AKAP6: variants seen among roughly 807,000 people sequenced by gnomAD.
The protein encoded by AKAP6 is A-kinase anchoring protein 6, also known as A-kinase anchor protein 6.
Under a neutral mutation model 188.5 loss-of-function variants are expected in AKAP6, and 58 were observed. That is an observed-to-expected ratio of 0.31 (90% CI 0.25 to 0.38). The LOEUF (loss-of-function observed/expected upper bound fraction) is 0.38, where lower values mean the gene tolerates loss of function less well. Among genes scored for constraint, AKAP6 ranks in the 10% least tolerant of loss-of-function variants. AKAP6 has a pLI of 1.00. For synonymous variants in AKAP6, 989 were observed against 998.6 expected (o/e 0.99, Z 0.18); for missense variants, 2,710 against 2,740.0 (o/e 0.99, Z 0.24).
At chr14:32,361,512 CAG>C (rs1887664538) in intron 1 of AKAP6, among the ~76,000 whole-genome samples, 1 of 152,134 alleles carries the variant, frequency 6.6e-6, no homozygotes, top group Admixed American at 6.5e-5. Context: ...AGTAGTGAAT[CAG>C]GGGAACATTA....
intron 4 of AKAP6, among the ~76,000 whole-genome samples, 195 bp from the exon 5 acceptor site, chr14:32,576,925 T>C (rs1884744652): frequency 6.6e-6 from 1 of 152,172 alleles, no homozygotes. Context: ...ACAGTTTCTT[T>C]CCCATTTTGG....
intron 9 of AKAP6, among the ~76,000 whole-genome samples, chr14:32,715,283 ATTTTAC>A (rs1275010327): frequency 6.6e-6 from 1 of 151,984 alleles, no homozygotes; most frequent in Non-Finnish European, 1.5e-5. Flanking sequence ...TGGTCTAATT[ATTTTAC>A]TTTTACTTAA....
intron 1 of AKAP6, among the ~76,000 whole-genome samples, chr14:32,352,096 TG>T (rs1310779122): frequency 7.3e-4 from 77 of 105,516 alleles, no homozygotes; most frequent in African/African-American, 2.2e-3. Flanking sequence ...TGTGTGTGTG[TG>T]TGTGTTTGTG....
intron 2 of AKAP6, among the ~76,000 whole-genome samples, chr14:32,452,207 T>C (rs1257220185): frequency 6.6e-6 from 1 of 151,810 alleles, no homozygotes; most frequent in African/African-American, 2.4e-5. Flanking sequence ...AATTTTTCTA[T>C]ATGTTTTGTA....
intron 9 of AKAP6, among the ~76,000 whole-genome samples, chr14:32,711,057 A>G (rs1046822823): frequency 4.6e-5 from 7 of 152,054 alleles, no homozygotes; most frequent in Non-Finnish European, 8.8e-5. Flanking sequence ...CCTGGTATAA[A>G]TAATAACTAT....
At chr14:32,709,640 G>T (rs1890958364) in intron 9 of AKAP6, among the ~76,000 whole-genome samples, 1 of 151,996 alleles carries the variant, frequency 6.6e-6, no homozygotes, top group African/African-American at 2.4e-5. Flanking sequence ...ATATAGGAGA[G>T]AATTTGTCCT....
chr14:32,469,936 G>A (rs1050820703), intron 2 of AKAP6, among the ~76,000 whole-genome samples: 18 of 151,932 alleles, frequency 1.2e-4, no homozygotes, highest in African/African-American at 3.9e-4. Flanking sequence ...TAATAAAATA[G>A]GCTGTAGATG....
intron 7 of AKAP6, among the ~76,000 whole-genome samples, chr14:32,643,126 T>G (rs1435321846): frequency 2.0e-5 from 3 of 152,164 alleles, no homozygotes; most frequent in African/African-American, 7.2e-5. Context: ...TAAAAGGGAC[T>G]CTATTAATCA....
chr14:32,507,344 G>A (rs1405760116), intron 2 of AKAP6, among the ~76,000 whole-genome samples: 1 of 152,204 alleles, frequency 6.6e-6, no homozygotes, highest in African/African-American at 2.4e-5. Context: ...TTACCATCCA[G>A]TATCTCACAA....
At chr14:32,580,757 T>A (rs1884927432) in intron 5 of AKAP6, among the ~76,000 whole-genome samples, 1 of 150,652 alleles carries the variant, frequency 6.6e-6, no homozygotes, top group African/African-American at 2.4e-5. Context: ...CCTGTGTCCA[T>A]GTGTTCTCAT....
At chr14:32,372,798 G>A (rs865973936) in intron 1 of AKAP6, among the ~76,000 whole-genome samples, 2 of 150,908 alleles carry the variant, frequency 1.3e-5, no homozygotes, top group South Asian at 2.1e-4. Context: ...GTGTGTGTGT[G>A]TGTGTGTATT....
At chr14:32,448,516 C>A (rs1320939705) in intron 2 of AKAP6, among the ~76,000 whole-genome samples, 1 of 152,140 alleles carries the variant, frequency 6.6e-6, no homozygotes, top group Non-Finnish European at 1.5e-5. Flanking sequence ...ACCTGAGGTA[C>A]AAAGAGGGTA....
At chr14:32,343,762 A>AG (rs999072157) in intron 1 of AKAP6, among the ~76,000 whole-genome samples, 3 of 150,938 alleles carry the variant, frequency 2.0e-5, no homozygotes, top group African/African-American at 7.3e-5. Context: ...AAAAAAAAAA[A>AG]AAAAAAAAAA....
intron 2 of AKAP6, among the ~76,000 whole-genome samples, chr14:32,466,431 A>G (rs566750424): frequency 6.6e-6 from 1 of 152,306 alleles, no homozygotes; most frequent in East Asian, 1.9e-4. Context: ...TTGCAGGGAC[A>G]TGGATGAAGC....
At position 32,464,229 on chromosome 14, in the gene AKAP6, C is replaced by T. The variant is rs1166638394; in HGVS notation, c.324+30412C>T. ...AAACAATAGAAAAAGAGGGAATCCT[C>T]GCTAACTCATTTTATGAGGCCAGCA... On this transcript the variant is annotated intron_variant, in intron 2 of 13. Transcript: ENST00000280979. Among the ~76,000 whole-genome samples, 6 of 152,150 alleles carry T rather than the reference C, an allele frequency of 3.9e-5. No homozygotes were observed. In the South Asian group the frequency reaches 6.2e-4, roughly 16 times the overall value.
chr14:32,579,943 T>G (rs1037517276), intron 5 of AKAP6, among the ~76,000 whole-genome samples: 2 of 152,100 alleles, frequency 1.3e-5, no homozygotes, highest in Non-Finnish European at 2.9e-5. Context: ...CTCTCTAGAC[T>G]CTATATTTGA....
intron 2 of AKAP6, among the ~76,000 whole-genome samples, chr14:32,505,477 C>T (rs985806035): frequency 2.6e-5 from 4 of 151,686 alleles, no homozygotes; most frequent in African/African-American, 4.8e-5. Flanking sequence ...TTTTTGAAAA[C>T]CAAAATTAAT....
intron 7 of AKAP6, among the ~76,000 whole-genome samples, chr14:32,662,506 C>T (rs533949244): frequency 5.9e-5 from 9 of 152,208 alleles, no homozygotes; most frequent in South Asian, 2.1e-4. Context: ...ATTGTCTCCT[C>T]GTGGTGTGTC....
chr14:32,807,931 A>G (rs1235597644), intron 12 of AKAP6, among the ~76,000 whole-genome samples: 1 of 152,220 alleles, frequency 6.6e-6, no homozygotes, highest in Non-Finnish European at 1.5e-5. Flanking sequence ...GAGTGGTCAT[A>G]ATAACACTGT....
Sources: allele counts gnomAD v4.1 joint callset (sites outside exome capture counted in the v4.1 genomes callset), GRCh38; gene constraint gnomAD v4.1.1; transcripts MANE v1.5; gene names NCBI Gene and HGNC (gene_info 2026-07-23, HGNC 2026-07-21).